The following ANO10 variants were observed in gnomAD, a reference collection of about 807,000 sequenced individuals.
ANO10 encodes the protein anoctamin-10.
A neutral mutation model predicts 74.7 loss-of-function variants in ANO10; 77 were observed. The ratio of observed to expected loss-of-function variants is 1.03; its 90% confidence interval spans 0.86 to 1.25. ANO10 has a LOEUF of 1.25. ANO10 is among the 50% of genes most tolerant of loss of function. The pLI is 0.00. For missense variants in ANO10, 721 were observed against 778.1 expected, an observed-to-expected ratio of 0.93 and a Z score of 0.87; for synonymous variants, 279 against 284.9, an observed-to-expected ratio of 0.98 and a Z score of 0.21.
intron 11 of ANO10, among the ~76,000 whole-genome samples, chr3:43,531,604 A>G (rs1249132887): frequency 6.6e-6 from 1 of 152,186 alleles, no homozygotes; most frequent in African/African-American, 2.4e-5. Context: ...ATTAAAGCAT[A>G]ATCATGAGGC....
intron 11 of ANO10, among the ~76,000 whole-genome samples, chr3:43,490,574 G>T (rs1286470202): frequency 6.6e-6 from 1 of 152,074 alleles, no homozygotes; most frequent in African/African-American, 2.4e-5. Flanking sequence ...TACTCAAACT[G>T]GTCTAGACCA....
chr3:43,618,372 G>C (rs2083225392), intron 1 of ANO10, among the ~76,000 whole-genome samples: 1 of 152,190 alleles, frequency 6.6e-6, no homozygotes, highest in Non-Finnish European at 1.5e-5. Context: ...AAGCACCAGT[G>C]AGGAAAACAA....
chr3:43,553,159 T>C (rs1425404061), intron 10 of ANO10, among the ~76,000 whole-genome samples: 1 of 152,204 alleles, frequency 6.6e-6, no homozygotes, highest in Non-Finnish European at 1.5e-5. Flanking sequence ...CTGGCCTCCA[T>C]AGCTTCCAAT....
intron 11 of ANO10, among the ~76,000 whole-genome samples, chr3:43,518,402 T>C (rs574980462): frequency 6.6e-6 from 1 of 152,230 alleles, no homozygotes; most frequent in African/African-American, 2.4e-5. Context: ...CAGGATCCTG[T>C]GATGATTGCG....
intron 1 of ANO10, chr3:43,621,698 A>G (rs1292881905): frequency 6.6e-6 from 1 of 152,214 alleles, no homozygotes; most frequent in East Asian, 1.9e-4. Flanking sequence ...TCCCCGCAAC[A>G]CCTTCACTCG....
intron 7 of ANO10, among the ~76,000 whole-genome samples, chr3:43,569,682 T>C (rs1445716431): frequency 4.3e-5 from 6 of 139,510 alleles, no homozygotes; most frequent in African/African-American, 1.4e-4. Flanking sequence ...TGATGGGATG[T>C]ATTTCAAAAT....
chr3:43,486,100 G>A (rs1176422009), intron 11 of ANO10, among the ~76,000 whole-genome samples: 1 of 152,196 alleles, frequency 6.6e-6, no homozygotes, highest in Non-Finnish European at 1.5e-5. Context: ...TGCAGCCAGG[G>A]CTTCCCTTTC....
chr3:43,562,820 T>C (rs2080113480), intron 8 of ANO10, among the ~76,000 whole-genome samples: 1 of 152,048 alleles, frequency 6.6e-6, no homozygotes, highest in Admixed American at 6.6e-5. Context: ...TCAAAATGGA[T>C]TAAAGATCTA....
chr3:43,685,299 T>C (rs2149584185), intron 1 of ANO10, among the ~76,000 whole-genome samples: 1 of 152,338 alleles, frequency 6.6e-6, no homozygotes, highest in African/African-American at 2.4e-5. Flanking sequence ...AGGAACCAAC[T>C]TTTGTATATT....
chr3:43,648,843 AT>A (rs1283312968), intron 1 of ANO10, among the ~76,000 whole-genome samples: 1 of 151,560 alleles, frequency 6.6e-6, no homozygotes, highest in Non-Finnish European at 1.5e-5. Flanking sequence ...CGTCCGGCTA[AT>A]TTTTTTGTAT....
At chr3:43,612,244 CCT>C (rs2082870297) in intron 1 of ANO10, among the ~76,000 whole-genome samples, 1 of 138,222 alleles carries the variant, frequency 7.2e-6, no homozygotes, top group South Asian at 2.3e-4. Flanking sequence ...CCCTCTAAAC[CCT>C]CTTTCTTTCT....
intron 1 of ANO10, among the ~76,000 whole-genome samples, chr3:43,656,643 G>C (rs560170822): frequency 1.3e-5 from 2 of 152,366 alleles, no homozygotes; most frequent in Admixed American, 1.3e-4. Flanking sequence ...GGGGTACCCA[G>C]TACACCCTCC....
intron 11 of ANO10, among the ~76,000 whole-genome samples, chr3:43,492,426 C>A (rs970184576): frequency 3.9e-5 from 6 of 152,098 alleles, no homozygotes; most frequent in Admixed American, 2.6e-4. Context: ...CAACAAAAGC[C>A]AAAATTGACA....
intron 11 of ANO10, among the ~76,000 whole-genome samples, chr3:43,483,849 G>A (rs1483881895): frequency 6.6e-6 from 1 of 152,208 alleles, no homozygotes; most frequent in Non-Finnish European, 1.5e-5. Context: ...AACATTTTCT[G>A]ATTAGCAATT....
chr3:43,559,371 C>T (rs2079914483), intron 9 of ANO10, among the ~76,000 whole-genome samples: 1 of 152,004 alleles, frequency 6.6e-6, no homozygotes, highest in Admixed American at 6.5e-5. Context: ...ATGTTGTTTG[C>T]CCAAACTATT....
At chr3:43,638,945 T>C (rs2083641492) in intron 1 of ANO10, 1 of 152,244 alleles carries the variant, frequency 6.6e-6, no homozygotes, top group African/African-American at 2.4e-5. Flanking sequence ...TCACCTGCAG[T>C]CATCTGAAGG....
At chr3:43,599,120 TGA>T in intron 3 of ANO10, among the ~76,000 whole-genome samples, 1 of 152,354 alleles carries the variant, frequency 6.6e-6, no homozygotes, top group East Asian at 1.9e-4. Flanking sequence ...CTTCTACTAA[TGA>T]GAGAGAAGAA....
intron 11 of ANO10, among the ~76,000 whole-genome samples, chr3:43,489,155 C>T (rs1222304022): frequency 7.2e-5 from 9 of 124,304 alleles, no homozygotes; most frequent in Non-Finnish European, 1.4e-4. Flanking sequence ...GAATATCACA[C>T]TCTGGGGACT....
At chr3:43,369,583 G>A (rs2091533756) in intron 12 of ANO10, among the ~76,000 whole-genome samples, 1 of 152,206 alleles carries the variant, frequency 6.6e-6, no homozygotes, top group African/African-American at 2.4e-5. Context: ...GCAGCCAGGG[G>A]AACAGGAGGG....
Sources: gnomAD v4.1 joint callset for allele counts (sites outside exome capture counted in the v4.1 genomes callset) on GRCh38, gnomAD v4.1.1 for gene constraint, MANE v1.5 for transcripts, NCBI Gene and HGNC (gene_info 2026-07-23, HGNC 2026-07-21) for gene names.